Variants in ZBTB7C observed in about 807,000 individuals in gnomAD.
ZBTB7C encodes the protein zinc finger and BTB domain-containing protein 7C.
Under a neutral mutation model 25.7 loss-of-function variants are expected in ZBTB7C, and 8 were observed. The observed-to-expected ratio is 0.31, with a 90% CI of 0.18 to 0.56. The LOEUF (loss-of-function observed/expected upper bound fraction) is 0.56. Ranked by LOEUF, ZBTB7C falls within the 20% of genes least tolerant of loss-of-function variation. The pLI is 0.91. For synonymous variants in ZBTB7C, 394 were observed against 369.0 expected, an observed-to-expected ratio of 1.07 and a Z score of -0.78; for missense variants, 824 against 855.2, an observed-to-expected ratio of 0.96 and a Z score of 0.46.
chr18:48,155,615 G>A (rs150905759), intron 3 of ZBTB7C, among the ~76,000 whole-genome samples: 1 of 152,104 alleles, frequency 6.6e-6, no homozygotes, highest in East Asian at 1.9e-4. Flanking sequence ...GATTACAGGC[G>A]TGAGCCACCG....
chr18:48,211,552 T>C (rs2042702383), intron 2 of ZBTB7C, among the ~76,000 whole-genome samples: 1 of 152,172 alleles, frequency 6.6e-6, no homozygotes, highest in Admixed American at 6.5e-5. Context: ...CCAAAGAAGA[T>C]ATGCAGATGG....
chr18:48,156,063 T>C (rs1017268149), intron 3 of ZBTB7C, among the ~76,000 whole-genome samples: 12 of 152,368 alleles, frequency 7.9e-5, no homozygotes, highest in Admixed American at 3.3e-4. Flanking sequence ...CAACATCCTG[T>C]GTAGGAACGT....
At chr18:48,071,911 C>T (rs1280961798) in intron 3 of ZBTB7C, among the ~76,000 whole-genome samples, 1 of 152,170 alleles carries the variant, frequency 6.6e-6, no homozygotes, top group Non-Finnish European at 1.5e-5. Context: ...ACTGATTCTG[C>T]TTCTTGGAAG....
At chr18:48,371,437 G>A (rs1039654052) in intron 1 of ZBTB7C, among the ~76,000 whole-genome samples, 1 of 152,198 alleles carries the variant, frequency 6.6e-6, no homozygotes, top group Admixed American at 6.5e-5. Flanking sequence ...GAGGCCCAGG[G>A]ACACAGGATG....
chr18:48,290,644 T>C (rs1188387341), intron 2 of ZBTB7C, among the ~76,000 whole-genome samples: 2 of 152,272 alleles, frequency 1.3e-5, no homozygotes, highest in African/African-American at 4.8e-5. Flanking sequence ...ATTGTTGGAG[T>C]TGGACCATTA....
At chr18:48,137,706 C>G (rs993747239) in intron 3 of ZBTB7C, among the ~76,000 whole-genome samples, 1 of 152,254 alleles carries the variant, frequency 6.6e-6, no homozygotes, top group African/African-American at 2.4e-5. Flanking sequence ...GCTCCCTCCT[C>G]CGTTGGAGAT....
intron 2 of ZBTB7C, among the ~76,000 whole-genome samples, chr18:48,197,070 G>A (rs2042334905): frequency 6.6e-6 from 1 of 152,182 alleles, no homozygotes; most frequent in African/African-American, 2.4e-5. Flanking sequence ...AAGATGCAAG[G>A]AGATGTTTGC....
chr18:48,190,929 T>C (rs1016249445), intron 2 of ZBTB7C, among the ~76,000 whole-genome samples: 1 of 152,210 alleles, frequency 6.6e-6, no homozygotes, highest in Non-Finnish European at 1.5e-5. Context: ...ATAATCGGCA[T>C]GTGACACAAA....
chr18:48,041,202 A>AT, intron 3 of ZBTB7C, 79 bp from the exon 4 acceptor site: 1 of 1,477,192 alleles, frequency 6.8e-7, no homozygotes, highest in Non-Finnish European at 8.9e-7. Flanking sequence ...ACTCTGAGCC[A>AT]CCTCCTTGGC....
chr18:48,044,435 A>G (rs901136249), intron 3 of ZBTB7C, among the ~76,000 whole-genome samples: 1 of 152,246 alleles, frequency 6.6e-6, no homozygotes, highest in Non-Finnish European at 1.5e-5. Context: ...CAGAGGGCTT[A>G]GGAAACCAGG....
intron 2 of ZBTB7C, among the ~76,000 whole-genome samples, chr18:48,212,743 G>T (rs2042731372): frequency 6.6e-6 from 1 of 152,124 alleles, no homozygotes; most frequent in African/African-American, 2.4e-5. Context: ...GGCTGGTATG[G>T]CAGGAAAGGC....
intron 2 of ZBTB7C, among the ~76,000 whole-genome samples, chr18:48,186,634 C>T (rs1379781678): frequency 6.6e-6 from 1 of 152,150 alleles, no homozygotes; most frequent in Non-Finnish European, 1.5e-5. Flanking sequence ...TGTGAATTCT[C>T]CTGCATTTCG....
At position 48,109,971 on chromosome 18, in the gene ZBTB7C, G is replaced by A. The variant is rs112991122; in HGVS notation, c.-16-68848C>T. Among the ~76,000 whole-genome samples the A allele has an allele frequency of 6.6e-3, 1,006 of 152,194 alleles. 12 individuals are homozygous for A. Among genetic ancestry groups the A allele is most frequent in the African/African-American group, 0.022 (913 of 41,502 alleles). On this transcript the variant is annotated intron_variant, in intron 3 of 4. Transcript: ENST00000590800. ...CATGGGCCTAACTAGCAGCAAAGGT[G>A]GTCTGAGACTGAGGCATAGAGAGGT...
intron 3 of ZBTB7C, among the ~76,000 whole-genome samples, chr18:48,146,044 T>G (rs2040489537): frequency 6.6e-6 from 1 of 152,198 alleles, no homozygotes; most frequent in Non-Finnish European, 1.5e-5. Flanking sequence ...AATTTTTTCC[T>G]AGGTTTTTTG....
At chr18:48,271,345 A>G (rs1424239351) in intron 2 of ZBTB7C, among the ~76,000 whole-genome samples, 1 of 152,062 alleles carries the variant, frequency 6.6e-6, no homozygotes, top group South Asian at 2.1e-4. Flanking sequence ...CCTATTTTTA[A>G]AAGTCTCAAA....
At position 48,386,767 on chromosome 18, in the gene ZBTB7C, C is replaced by A. The variant is rs147070200; in HGVS notation, c.-304+22459G>T. On this transcript the variant is annotated intron_variant, in intron 1 of 4. Coordinates refer to ENST00000590800, the MANE Select transcript of ZBTB7C (RefSeq NM_001318841.2). ...TAAGATAATTGAAAGGAAATTCTAG[C>A]CTTATTGTGCTTCATCTCAAAAAAA... Among the ~76,000 whole-genome samples the A allele has an allele frequency of 5.3e-5, 8 of 152,286 alleles. No homozygotes were observed. The East Asian group carries it at 1.3e-3, about 26-fold the overall frequency.
At chr18:48,191,208 G>C (rs1373110049) in intron 2 of ZBTB7C, among the ~76,000 whole-genome samples, 1 of 152,140 alleles carries the variant, frequency 6.6e-6, no homozygotes, top group Non-Finnish European at 1.5e-5. Context: ...ATGAGCACAT[G>C]GCCACCCCTC....
intron 1 of ZBTB7C, among the ~76,000 whole-genome samples, chr18:48,372,257 A>G (rs1234746373): frequency 2.6e-5 from 4 of 152,112 alleles, no homozygotes; most frequent in African/African-American, 9.7e-5. Context: ...AATTCATTCT[A>G]TACTCCACTG....
chr18:48,341,895 G>A (rs1480583552), intron 1 of ZBTB7C, among the ~76,000 whole-genome samples: 1 of 152,180 alleles, frequency 6.6e-6, no homozygotes, highest in Non-Finnish European at 1.5e-5. Context: ...TGCCGTTGGT[G>A]GGGGGCCTCC....
Sources: allele counts gnomAD v4.1 joint callset (sites outside exome capture counted in the v4.1 genomes callset), GRCh38; gene constraint gnomAD v4.1.1; transcripts MANE v1.5; gene names NCBI Gene and HGNC (gene_info 2026-07-23, HGNC 2026-07-21).